The following AKAP6 variants were observed in gnomAD, a reference collection of about 807,000 sequenced individuals.
The protein encoded by AKAP6 is A-kinase anchoring protein 6, also known as A-kinase anchor protein 6.
In AKAP6, 58 loss-of-function variants were observed where a neutral mutation model predicts 188.5. That is an observed-to-expected ratio of 0.31 (90% CI 0.25 to 0.38). The LOEUF (loss-of-function observed/expected upper bound fraction) is 0.38, where lower values mean the gene tolerates loss of function less well. Ranked by LOEUF, AKAP6 falls within the 10% of genes least tolerant of loss-of-function variation. AKAP6 has a pLI of 1.00. For missense variants in AKAP6, 2,710 were observed against 2,740.0 expected, an observed-to-expected ratio of 0.99 and a Z score of 0.24; for synonymous variants, 989 against 998.6, an observed-to-expected ratio of 0.99 and a Z score of 0.18.
rs148087851 is a variant in AKAP6, at chr14:32,594,996, A to C, written c.2470-4414A>C. 5.0e-3 allele frequency among the ~76,000 whole-genome samples: 767 copies of C among 152,306 alleles called. 4 individuals carry two copies. Among genetic ancestry groups the C allele is most frequent in the African/African-American group, 0.018 (741 of 41,568 alleles). On this transcript the variant is annotated intron_variant, in intron 5 of 13. Coordinates refer to ENST00000280979, the MANE Select transcript of AKAP6 (RefSeq NM_004274.5). ...TGGCACATGCTTCTCTCACGCACTG[A>C]GAAAAACTTAAAAAGACAGAAGATT...
intron 4 of AKAP6, among the ~76,000 whole-genome samples, chr14:32,573,479 A>T (rs8016916): frequency 6.6e-6 from 1 of 152,056 alleles, no homozygotes; most frequent in East Asian, 1.9e-4. Context: ...CAATATCCAG[A>T]AGAGTGTCCC....
intron 2 of AKAP6, among the ~76,000 whole-genome samples, chr14:32,451,383 C>A (rs187856857): frequency 4.6e-5 from 7 of 152,124 alleles, no homozygotes. Flanking sequence ...TTCTTTCTGG[C>A]CTGTTCTGCA....
At chr14:32,824,988 A>AG (rs2034639595) in intron 13 of AKAP6, among the ~76,000 whole-genome samples, 173 bp downstream of exon 13, 1 of 122,412 alleles carries the variant, frequency 8.2e-6, no homozygotes, top group African/African-American at 3.4e-5. Context: ...GAAGCAAAAG[A>AG]AAAAAAAAAC....
At chr14:32,454,845 C>T (rs192257867) in intron 2 of AKAP6, among the ~76,000 whole-genome samples, 8 of 30,474 alleles carry the variant, frequency 2.6e-4, no homozygotes, top group African/African-American at 2.0e-3. Flanking sequence ...CCTTCCCTCC[C>T]TCCCTCCTTC....
At chr14:32,355,390 G>A (rs1887446165) in intron 1 of AKAP6, among the ~76,000 whole-genome samples, 1 of 151,030 alleles carries the variant, frequency 6.6e-6, no homozygotes, top group Admixed American at 6.6e-5. Flanking sequence ...CTACATAAAT[G>A]TTTGTTCCCT....
chr14:32,724,667 T>C (rs2030752256), intron 9 of AKAP6, among the ~76,000 whole-genome samples: 1 of 152,140 alleles, frequency 6.6e-6, no homozygotes, highest in Non-Finnish European at 1.5e-5. Flanking sequence ...AATGCCTTCC[T>C]ACTAAGCCGA....
At chr14:32,390,225 T>A (rs889479000) in intron 1 of AKAP6, among the ~76,000 whole-genome samples, 4 of 152,138 alleles carry the variant, frequency 2.6e-5, no homozygotes, top group Non-Finnish European at 5.9e-5. Flanking sequence ...ATGGTATCTA[T>A]TTTCTTGAAT....
chr14:32,523,093 C>T (rs4254229), intron 2 of AKAP6, among the ~76,000 whole-genome samples: 120,041 of 151,336 alleles, frequency 0.79, 48,300 homozygotes, highest in African/African-American at 0.91. Context: ...AACCAAACAC[C>T]GCATGTTCTC....
intron 11 of AKAP6, among the ~76,000 whole-genome samples, chr14:32,756,838 A>G (rs2032353045): frequency 6.6e-6 from 1 of 152,120 alleles, no homozygotes; most frequent in Non-Finnish European, 1.5e-5. Flanking sequence ...GACAGTGGAT[A>G]GCAGCCTCCT....
At chr14:32,654,929 C>T (rs527377321) in intron 7 of AKAP6, among the ~76,000 whole-genome samples, 1 of 152,088 alleles carries the variant, frequency 6.6e-6, no homozygotes, top group Admixed American at 6.5e-5. Context: ...GCTTTAAGGA[C>T]TTCTATAAAG....
chr14:32,822,232 C>T lies in AKAP6; in HGVS notation c.4419C>T (p.Leu1473=), dbSNP rs2034545066. ...DVFTFYDYSY[L]QGSKLKLPMI... ...TTACATTTTATGATTACTCATACCT[C>T]CAAGGCTCAAAACTCAAATTACCAA... The change falls in exon 13 of 14, where the codon CTC becomes CTT. Residue 1473 remains leucine, a synonymous_variant. Transcript: ENST00000280979. 1 of 1,613,866 alleles carries T rather than the reference C, an allele frequency of 6.2e-7. No individual in the cohort carries two copies. The highest frequency in any genetic ancestry group is 8.5e-7 in the Non-Finnish European group (1 of 1,179,930).
chr14:32,510,631 A>C (rs539053257), intron 2 of AKAP6, among the ~76,000 whole-genome samples: 24 of 151,752 alleles, frequency 1.6e-4, no homozygotes, highest in Admixed American at 1.3e-3. Flanking sequence ...GCCTACTTAT[A>C]GACCTTAAGC....
Position 32,823,073 on chromosome 14 carries a change from G to T in AKAP6, c.5260G>T (p.Asp1754Tyr). Residue 1754 changes from aspartate to tyrosine, a missense_variant, in exon 13 of 14, where the codon GAC (aspartate) becomes TAC (tyrosine). Asp to Tyr is a radical substitution (Grantham distance 160, BLOSUM62 -3). Around this residue, in one of 2 missense-constraint regions of AKAP6, gnomAD observed 2,473 missense variants for 2,426.1 expected, o/e 1.02. Transcript: ENST00000280979. ...TTGCACTGATGATGAAGATGACAGC[G>T]ACCTGCTCTCCAGCTCTACCCTTAC... ...SACTDDEDDS[D>Y]LLSSSTLTLT... is the part of the protein sequence containing the mutation. 3 of 1,613,722 alleles carry T rather than the reference G, an allele frequency of 1.9e-6. No individual in the cohort carries two copies. The highest frequency in any genetic ancestry group is 2.5e-6 in the Non-Finnish European group (3 of 1,179,878).
chr14:32,716,862 A>G (rs1052195554), intron 9 of AKAP6, among the ~76,000 whole-genome samples: 5 of 152,048 alleles, frequency 3.3e-5, no homozygotes, highest in Non-Finnish European at 4.4e-5. Context: ...AGCAAACCAA[A>G]AAATCTTATT....
At chr14:32,532,228 A>G (rs1438090697) in intron 2 of AKAP6, among the ~76,000 whole-genome samples, 1 of 152,076 alleles carries the variant, frequency 6.6e-6, no homozygotes, top group Non-Finnish European at 1.5e-5. Context: ...TTACATTTCC[A>G]TCTTGGCTTA....
At chr14:32,684,602 A>G (rs1396590938) in intron 8 of AKAP6, among the ~76,000 whole-genome samples, 1 of 152,178 alleles carries the variant, frequency 6.6e-6, no homozygotes, top group East Asian at 1.9e-4. Context: ...AGAGAGAGAA[A>G]CTAGATTAAA....
intron 2 of AKAP6, among the ~76,000 whole-genome samples, chr14:32,515,395 A>G (rs753924305): frequency 1.2e-4 from 19 of 152,156 alleles, no homozygotes; most frequent in South Asian, 4.1e-4. Context: ...CAATGTACCT[A>G]GGACTGGAAC....
At chr14:32,679,687 T>C (rs1889590706) in intron 8 of AKAP6, among the ~76,000 whole-genome samples, 1 of 152,202 alleles carries the variant, frequency 6.6e-6, no homozygotes, top group African/African-American at 2.4e-5. Context: ...AGAGTCATAA[T>C]TGAGAGTCAT....
intron 6 of AKAP6, among the ~76,000 whole-genome samples, chr14:32,599,951 A>C (rs552700368): frequency 1.4e-4 from 22 of 152,202 alleles, no homozygotes; most frequent in Non-Finnish European, 2.9e-4. Flanking sequence ...AACATTTTGC[A>C]TGTTCTTTGC....
Sources: allele counts gnomAD v4.1 joint callset (sites outside exome capture counted in the v4.1 genomes callset), GRCh38; gene constraint gnomAD v4.1.1; regional missense constraint gnomAD v4.1.1; transcripts MANE v1.5; gene names NCBI Gene and HGNC (gene_info 2026-07-23, HGNC 2026-07-21).